The following MAPT variants were observed in gnomAD, a reference collection of about 807,000 sequenced individuals.
MAPT encodes the protein microtubule-associated protein tau.
Under a neutral mutation model 67.9 loss-of-function variants are expected in MAPT, and 34 were observed. That is an observed-to-expected ratio of 0.50 (90% CI 0.38 to 0.67). The LOEUF is 0.67. Among genes scored for constraint, MAPT ranks in the 30% least tolerant of loss-of-function variants. MAPT has a pLI of 0.00. For missense variants in MAPT, 881 were observed against 1,115.2 expected, an observed-to-expected ratio of 0.79 and a Z score of 2.99; for synonymous variants, 456 against 464.5, an observed-to-expected ratio of 0.98 and a Z score of 0.23.
intron 1 of MAPT, among the ~76,000 whole-genome samples, chr17:45,961,976 TG>T (rs1282249638): frequency 6.6e-6 from 1 of 152,124 alleles, no homozygotes; most frequent in Non-Finnish European, 1.5e-5. Flanking sequence ...GGTTTTACCA[TG>T]TTGGCCAGGC....
At chr17:46,003,171 A>C (rs1322531763) in intron 9 of MAPT, among the ~76,000 whole-genome samples, 1 of 151,634 alleles carries the variant, frequency 6.6e-6, no homozygotes, top group African/African-American at 2.4e-5. Context: ...GTCTCTACCC[A>C]GTCACCTCTG....
intron 1 of MAPT, among the ~76,000 whole-genome samples, chr17:45,944,082 C>T (rs1191275740): frequency 6.6e-6 from 1 of 152,218 alleles, no homozygotes; most frequent in Non-Finnish European, 1.5e-5. Context: ...TTCAGCACCT[C>T]GCATCAGTCC....
chr17:45,998,284 G>A (rs1286187938), intron 9 of MAPT, among the ~76,000 whole-genome samples: 1 of 152,058 alleles, frequency 6.6e-6, no homozygotes, highest in Non-Finnish European at 1.5e-5. Context: ...AAGCTTGTGA[G>A]TGCAGTGTCA....
At chr17:45,924,118 G>A (rs1242653809) in intron 1 of MAPT, among the ~76,000 whole-genome samples, 2 of 152,076 alleles carry the variant, frequency 1.3e-5, no homozygotes, top group Non-Finnish European at 2.9e-5. Flanking sequence ...CTGGAATCCA[G>A]CCATAACTCT....
chr17:45,991,361 C>T lies in MAPT; in HGVS notation c.1606-99C>T, dbSNP rs138221496. 3.0e-4 allele frequency: 448 copies of T among 1,510,530 alleles called. 1 individual carries two copies. The East Asian group carries it at 4.2e-3, about 14-fold the overall frequency. 93.6% of individuals were successfully genotyped at this position (1,510,530 alleles called of 1,614,324 possible). On this transcript the variant is annotated intron_variant, in intron 7 of 12. Transcript: ENST00000262410. ...CAAAGGGTCACCCCAGTCTTAGCCACGTTTTGAGTCAAGGTGGCGGAGTGG... is the reference window on the plus strand; with the variant it reads ...CAAAGGGTCACCCCAGTCTTAGCCATGTTTTGAGTCAAGGTGGCGGAGTGG...
At chr17:45,956,306 G>A (rs181147764) in intron 1 of MAPT, among the ~76,000 whole-genome samples, 103 of 152,218 alleles carry the variant, frequency 6.8e-4, no homozygotes, top group African/African-American at 2.2e-3. Flanking sequence ...TCAGGGCACC[G>A]CGGGGGGCTT....
chr17:45,941,870 G>A (rs1215116674), intron 1 of MAPT, among the ~76,000 whole-genome samples: 1 of 151,896 alleles, frequency 6.6e-6, no homozygotes, highest in Admixed American at 6.6e-5. Flanking sequence ...CTGAAATCAT[G>A]TTCTTGGGGC....
chr17:45,927,018 CAT>C (rs1283861299), intron 1 of MAPT, among the ~76,000 whole-genome samples: 8 of 150,140 alleles, frequency 5.3e-5, no homozygotes, highest in Non-Finnish European at 1.0e-4. Flanking sequence ...TACACACACA[CAT>C]ACATACATGT....
At chr17:45,946,614 A>T (rs1201671905) in intron 1 of MAPT, among the ~76,000 whole-genome samples, 1 of 128,320 alleles carries the variant, frequency 7.8e-6, no homozygotes, top group Non-Finnish European at 1.6e-5. Context: ...AAAAAAAAAA[A>T]AATATATATA....
rs752377564 is a variant in MAPT, at chr17:45,915,304, G to A, written c.-18+20618G>A. Among the ~76,000 whole-genome samples, 19 of 150,994 alleles carry A rather than the reference G, an allele frequency of 1.3e-4. 1 individual carries two copies. The highest frequency in any genetic ancestry group is 3.2e-4 in the African/African-American group (13 of 40,938). The stretch of plus-strand genomic sequence containing the variant: ...GTGTGGGGGTGTGTGCTGTGTGAGC[G>A]TGTGTGAGTCTGTGTGTGTAGTGTG... On this transcript the variant is annotated intron_variant, in intron 1 of 12. Coordinates refer to ENST00000262410, the MANE Select transcript of MAPT (RefSeq NM_001377265.1). The surrounding 1 kb of genome is among the most constrained non-coding windows in gnomAD (Gnocchi z 4.4).
intron 2 of MAPT, among the ~76,000 whole-genome samples, chr17:45,965,342 A>G (rs2070947471): frequency 6.6e-6 from 1 of 151,636 alleles, no homozygotes; most frequent in Non-Finnish European, 1.5e-5. Context: ...AGGCAGGAGA[A>G]TCACTTGAAT....
intron 1 of MAPT, among the ~76,000 whole-genome samples, chr17:45,941,060 C>T (rs1479196660): frequency 1.3e-5 from 2 of 152,218 alleles, no homozygotes; most frequent in Middle Eastern, 3.4e-3. Context: ...TTGTTCTAGC[C>T]AGCCAGAGGG....
intron 1 of MAPT, among the ~76,000 whole-genome samples, chr17:45,923,782 G>A (rs529148637): frequency 5.3e-5 from 8 of 152,248 alleles, no homozygotes; most frequent in Middle Eastern, 3.4e-3. Flanking sequence ...GTGAAGTTTC[G>A]TGCACACACT....
At chr17:45,968,043 G>T (rs1391746899) in intron 2 of MAPT, among the ~76,000 whole-genome samples, 5 of 151,824 alleles carry the variant, frequency 3.3e-5, no homozygotes, top group Admixed American at 2.6e-4. Context: ...TACACCCTCC[G>T]CCCTTCATCC....
intron 1 of MAPT, among the ~76,000 whole-genome samples, chr17:45,939,601 C>G (rs181719950): frequency 4.1e-4 from 62 of 152,318 alleles, no homozygotes; most frequent in African/African-American, 1.5e-3. Flanking sequence ...AAGGAAATTG[C>G]AGTGCTCCTG....
rs182295774 is a variant in MAPT at position 45,982,981 on chromosome 17, G to A, written c.402G>A (p.Pro134=). Residue 134 remains proline (P), a synonymous_variant, in exon 5 of 13, where the codon CCG becomes CCA. Coordinates refer to ENST00000262410, the MANE Select transcript of MAPT (RefSeq NM_001377265.1). The part of the protein sequence containing the change: ...PCGEASGVSG[P]CLGEKEPEAP... The stretch of plus-strand genomic sequence containing the variant: ...GAGAGGCCTCTGGGGTCTCTGGGCC[G>A]TGCCTCGGGGAGAAAGAGCCAGAAG... 49 of 1,437,330 alleles carry A rather than the reference G, an allele frequency of 3.4e-5. No homozygotes were observed. The highest frequency in any genetic ancestry group is 2.6e-4 in the Middle Eastern group (1 of 3,884). 89.0% of individuals were successfully genotyped at this position (1,437,330 alleles called of 1,614,324 possible). A position where few individuals can be genotyped will look rare whatever the true frequency, so the allele number is the denominator to read the frequency against.
Position 45,983,659 on chromosome 17 carries a change from C to G in MAPT, c.1080C>G (p.Asp360Glu), listed in dbSNP as rs63750222. ...VSTEIPASEP[D>E]GPSVGRAKGQ... ...CAGAGATCCCAGCCTCAGAGCCCGA[C>G]GGGCCCAGTGTAGGGCGGGCCAAAG... The change falls in exon 5 of 13, where the codon GAC becomes GAG. Residue 360 changes from aspartate (D) to glutamate (E), a missense_variant. By Grantham distance (45) the Asp-to-Glu change is conservative. This residue lies in a region of MAPT where 687 missense variants were observed against 766.1 expected (regional missense o/e 0.90). Coordinates refer to ENST00000262410, the MANE Select transcript of MAPT (RefSeq NM_001377265.1). 1 of 1,613,932 alleles carries G rather than the reference C, an allele frequency of 6.2e-7. No homozygotes were observed. Among genetic ancestry groups the G allele is most frequent in the South Asian group, 1.1e-5 (1 of 91,080 alleles).
chr17:45,961,364 C>T (rs2070387355), intron 1 of MAPT, among the ~76,000 whole-genome samples: 1 of 152,156 alleles, frequency 6.6e-6, no homozygotes, highest in African/African-American at 2.4e-5. Flanking sequence ...GCCTCATGCC[C>T]CTACTGGGCC....
Position 46,026,347 on chromosome 17 carries a change from C to T in MAPT, c.*2176C>T, listed in dbSNP as rs1323670718. ...GGATTAGGACTGAAGCGATGATGTC[C>T]CCTTCCCTACTTCCCCTTGGGGCTC... On this transcript the variant is annotated 3_prime_UTR_variant, in exon 13 of 13. Coordinates refer to ENST00000262410, the MANE Select transcript of MAPT (RefSeq NM_001377265.1). 6.6e-6 allele frequency: 1 copy of T among 152,628 alleles called. No homozygotes were observed. The highest frequency in any genetic ancestry group is 1.5e-5 in the Non-Finnish European group (1 of 68,118). The allele number at this position is 152,628 out of a possible 1,614,324, so 9.5% of individuals were successfully genotyped here.
Sources: allele counts gnomAD v4.1 joint callset (sites outside exome capture counted in the v4.1 genomes callset), GRCh38; gene constraint gnomAD v4.1.1; regional missense constraint gnomAD v4.1.1; non-coding constraint Gnocchi (gnomAD v3.1); transcripts MANE v1.5; gene names NCBI Gene and HGNC (gene_info 2026-07-23, HGNC 2026-07-21).